Variants in GRAP observed in about 807,000 individuals in gnomAD.
GRAP encodes the protein GRB2-related adapter protein.
GRAP carries 2 observed loss-of-function variants against 9.1 expected under a neutral mutation model. That is an observed-to-expected ratio of 0.22 (90% CI 0.09 to 0.69). GRAP has a LOEUF of 0.69. Ranked by LOEUF, GRAP falls within the 30% of genes least tolerant of loss-of-function variation. The probability of loss-of-function intolerance (pLI) is 0.81; values close to 1 mark genes in which losing one functional copy is unlikely to be tolerated. For missense variants in GRAP, 113 were observed against 179.4 expected (o/e 0.63, Z 2.12); for synonymous variants, 68 against 73.6 (o/e 0.92, Z 0.39).
In GRAP at chr17:19,027,482, G is replaced by GCACACACACACACA. The variant is rs1201282703; in HGVS notation, c.300-3100_300-3099insTGTGTGTGTGTGTG. Among the ~76,000 whole-genome samples the GCACACACACACACA allele has an allele frequency of 2.6e-3, 300 of 116,026 alleles. 3 individuals are homozygous for GCACACACACACACA. Among genetic ancestry groups the GCACACACACACACA allele is most frequent in the Middle Eastern group, 4.2e-3 (1 of 238 alleles). The allele number at this position is 116,026 out of a possible 152,430, so 76.1% of individuals were successfully genotyped here. On this transcript the variant is annotated intron_variant, in intron 3 of 4. Coordinates refer to ENST00000284154, the MANE Select transcript of GRAP (RefSeq NM_006613.4). Reference sequence around the variant, plus strand: ...TGATGGGACACATGCGCGCGCGCGCGCGCACACACACACACACACACACAC... The same window carrying GCACACACACACACA: ...TGATGGGACACATGCGCGCGCGCGCGCACACACACACACACGCACACACACACACACACACACAC...
rs773122516 is a variant in GRAP at position 19,021,098 on chromosome 17, C to G, written c.*861G>C. 5 of 152,532 alleles carry G rather than the reference C, an allele frequency of 3.3e-5. No individual in the cohort carries two copies. The highest frequency in any genetic ancestry group is 5.9e-5 in the Non-Finnish European group (4 of 68,312). 9.4% of individuals were successfully genotyped at this position (152,532 alleles called of 1,614,324 possible). A position where few individuals can be genotyped will look rare whatever the true frequency, so the allele number is the denominator to read the frequency against. ...GCCGTGCCCCACCTAGGTAGCCGTC[C>G]CATGTGGGATCCTGTAGGATCTCTA... On this transcript the variant is annotated 3_prime_UTR_variant, in exon 5 of 5. Transcript: ENST00000284154. This position sits in a 1 kb window ranked among gnomAD's most constrained non-coding sequence, Gnocchi z 4.1.
intron 3 of GRAP, among the ~76,000 whole-genome samples, chr17:19,025,125 C>T (rs565842709): frequency 6.6e-5 from 10 of 152,116 alleles, no homozygotes; most frequent in Non-Finnish European, 1.2e-4. Context: ...CCCACTACCG[C>T]CAAATCGCCC....
In GRAP at chr17:19,020,680, C is replaced by T. The variant is rs113267681; in HGVS notation, c.*1279G>A. 6.6e-5 allele frequency: 36 copies of T among 544,018 alleles called. 1 individual carries two copies. The highest frequency in any genetic ancestry group is 6.0e-4 in the South Asian group (27 of 44,930). The allele number at this position is 544,018 out of a possible 1,614,324, so 33.7% of individuals were successfully genotyped here. The stretch of plus-strand genomic sequence containing the variant: ...ATTGGAAGGAAAATTAGATTTCTGA[C>T]GGACATCCTGATGTTGGTTTTACTG... On this transcript the variant is annotated 3_prime_UTR_variant, in exon 5 of 5. Transcript: ENST00000284154.
At chr17:19,031,883 G>A (rs1279768694) in intron 3 of GRAP, 1 of 151,806 alleles carries the variant, frequency 6.6e-6, no homozygotes, top group Non-Finnish European at 1.5e-5. Flanking sequence ...CAGGAGCCTG[G>A]GCCCAGGCAG....
chr17:19,023,500 G>C (rs1392338615), intron 4 of GRAP, among the ~76,000 whole-genome samples: 1 of 152,178 alleles, frequency 6.6e-6, no homozygotes, highest in East Asian at 1.9e-4. Flanking sequence ...AAAACAGCCT[G>C]TTGGGGCTAA....
At chr17:19,025,248 A>G (rs1158968904) in intron 3 of GRAP, among the ~76,000 whole-genome samples, 5 of 147,784 alleles carry the variant, frequency 3.4e-5, no homozygotes, top group Non-Finnish European at 7.4e-5. Context: ...CTAGAGTGCA[A>G]TGGCGCTATC....
intron 3 of GRAP, among the ~76,000 whole-genome samples, chr17:19,025,955 G>A (rs1252498297): frequency 7.5e-5 from 1 of 13,422 alleles, no homozygotes; most frequent in Non-Finnish European, 1.4e-4. Flanking sequence ...AGCCTGTCCT[G>A]GCTGGGACTG....
Position 19,024,395 on chromosome 17 carries a change from G to C in GRAP, c.300-12C>G. 1 of 1,607,874 alleles carries C rather than the reference G, an allele frequency of 6.2e-7. No individual in the cohort carries two copies. Among genetic ancestry groups the C allele is most frequent in the Non-Finnish European group, 8.5e-7 (1 of 1,177,344 alleles). ...CCTGGTCTCCATAGCTAGGGGAAAG[G>C]ACCCGGGGCCACCTCAGGTGGTGGC... On this transcript the variant is annotated splice_polypyrimidine_tract_variant and intron_variant, in intron 3 of 4. Coordinates refer to ENST00000284154, the MANE Select transcript of GRAP (RefSeq NM_006613.4). This position sits in a 1 kb window ranked among gnomAD's most constrained non-coding sequence, Gnocchi z 4.2.
rs774325073 is a variant in GRAP at position 19,022,018 on chromosome 17, G to T, written c.595C>A (p.Arg199=). The T allele has an allele frequency of 3.4e-5, 55 of 1,597,756 alleles. No homozygotes were observed. The highest frequency in any genetic ancestry group is 4.7e-5 in the Non-Finnish European group (55 of 1,173,196). Residue 199 remains arginine (R), a synonymous_variant, in exon 5 of 5, where the codon CGG becomes AGG. Coordinates refer to ENST00000284154, the MANE Select transcript of GRAP (RefSeq NM_006613.4). ...ERPDPHWWRG[R]SCGRVGFFPR... ...AAGAAGCCAACGCGCCCGCAGGACC[G>T]GCCCCGCCACCAGTGGGGGTCTGGG...
intron 4 of GRAP, among the ~76,000 whole-genome samples, chr17:19,023,653 CCCCGCGG>C (rs2044290668): frequency 7.5e-6 from 1 of 134,218 alleles, no homozygotes; most frequent in African/African-American, 2.7e-5. Flanking sequence ...CCACCCCCCA[CCCCGCGG>C]CTTGCCAGGA....
chr17:19,031,454 C>G (rs547559671), intron 3 of GRAP: 2 of 129,164 alleles, frequency 1.5e-5, no homozygotes, highest in East Asian at 4.5e-4. Context: ...CATCTGGGTT[C>G]CCTGACTCCC....
chr17:19,025,104 C>T (rs1051928022), intron 3 of GRAP, among the ~76,000 whole-genome samples: 1 of 152,186 alleles, frequency 6.6e-6, no homozygotes, highest in Non-Finnish European at 1.5e-5. Flanking sequence ...TGTGCCCTGC[C>T]TTCCAGCCAG....
rs775265448 is a variant in GRAP, at chr17:19,022,005, C to T, written c.608G>A (p.Arg203His). 2.7e-5 allele frequency: 43 copies of T among 1,594,206 alleles called. No homozygotes were observed. In the South Asian group the frequency reaches 3.5e-4, roughly 13 times the overall value. Residue 203 changes from arginine to histidine, a missense_variant, in exon 5 of 5, where the codon CGC (arginine) becomes CAC (histidine). This residue lies in a region of GRAP where 113 missense variants were observed against 163.3 expected (regional missense o/e 0.69). Transcript: ENST00000284154. ...PHWWRGRSCGRVGFFPRSYVQ... is the reference protein window; with the variant it reads ...PHWWRGRSCGHVGFFPRSYVQ... ...GTAACTCCGTGGGAAGAAGCCAACG[C>T]GCCCGCAGGACCGGCCCCGCCACCA...
Position 19,021,893 on chromosome 17 carries a change from T to A in GRAP, c.*66A>T. On this transcript the variant is annotated 3_prime_UTR_variant, in exon 5 of 5. Transcript: ENST00000284154. This position sits in a 1 kb window ranked among gnomAD's most constrained non-coding sequence, Gnocchi z 4.1. ...TGTGACTCTGACAGAGCTGGGGGTGTCCATGTCCTCTCTGGACCTCAGTTC... is the reference window on the plus strand; with the variant it reads ...TGTGACTCTGACAGAGCTGGGGGTGACCATGTCCTCTCTGGACCTCAGTTC... 7 of 1,414,246 alleles carry A rather than the reference T, an allele frequency of 4.9e-6. No homozygotes were observed. The highest frequency in any genetic ancestry group is 6.5e-6 in the Non-Finnish European group (7 of 1,080,138). 87.6% of individuals were successfully genotyped at this position (1,414,246 alleles called of 1,614,324 possible).
chr17:19,027,484 G>GCACACACACACACA (rs776285201), intron 3 of GRAP, among the ~76,000 whole-genome samples: 75 of 121,212 alleles, frequency 6.2e-4, no homozygotes, highest in African/African-American at 1.1e-3. Context: ...GCGCGCGCGC[G>GCACACACACACACA]CACACACACA....
In GRAP at chr17:19,024,266, G is replaced by A; in HGVS notation, c.417C>T (p.Thr139=). 6.2e-7 allele frequency: 1 copy of A among 1,606,040 alleles called. No individual in the cohort carries two copies. The highest frequency in any genetic ancestry group is 8.5e-7 in the Non-Finnish European group (1 of 1,176,196). The part of the protein sequence containing the change: ...NELVDFYRTT[T]IAKKRQIFLR... The stretch of plus-strand genomic sequence containing the variant: ...GGAAGATCTGCCGCTTCTTGGCGAT[G>A]GTGGTGGTGCGGTAGAAGTCGACCA... The change falls in exon 4 of 5, where the codon ACC becomes ACT. Residue 139 remains threonine, a synonymous_variant. Transcript: ENST00000284154. The surrounding 1 kb of genome is among the most constrained non-coding windows in gnomAD (Gnocchi z 4.2).
At chr17:19,030,097 C>A (rs2044328942) in intron 3 of GRAP, among the ~76,000 whole-genome samples, 1 of 65,276 alleles carries the variant, frequency 1.5e-5, no homozygotes, top group East Asian at 2.2e-4. Flanking sequence ...TCTGTGTGAC[C>A]CCTACATCCA....
intron 4 of GRAP, among the ~76,000 whole-genome samples, chr17:19,023,911 G>A (rs978412145): frequency 6.6e-6 from 1 of 151,990 alleles, no homozygotes; most frequent in African/African-American, 2.4e-5. Context: ...AACATTTATT[G>A]AGCACCTACT....
intron 3 of GRAP, among the ~76,000 whole-genome samples, chr17:19,027,469 T>TGCACGC (rs1491507529): frequency 8.7e-5 from 11 of 125,812 alleles, no homozygotes; most frequent in East Asian, 7.3e-4. Context: ...ATGGGACACA[T>TGCACGC]GCGCGCGCGC....
Sources: gnomAD v4.1 joint callset for allele counts (sites outside exome capture counted in the v4.1 genomes callset) on GRCh38, gnomAD v4.1.1 for gene constraint, gnomAD v4.1.1 regional missense constraint, Gnocchi (gnomAD v3.1) non-coding constraint, MANE v1.5 for transcripts, NCBI Gene and HGNC (gene_info 2026-07-23, HGNC 2026-07-21) for gene names.